DCLK1: variants seen among roughly 807,000 people sequenced by gnomAD.
DCLK1 encodes the protein serine/threonine-protein kinase DCLK1.
Under a neutral mutation model 86.2 loss-of-function variants are expected in DCLK1, and 16 were observed. The observed-to-expected ratio is 0.19, with a 90% CI of 0.13 to 0.28. DCLK1 has a LOEUF of 0.28. Ranked by LOEUF, DCLK1 falls within the 10% of genes least tolerant of loss-of-function variation. The pLI, the probability that DCLK1 is intolerant of heterozygous loss-of-function variation, is 1.00. For synonymous variants in DCLK1, 369 were observed against 370.5 expected, an observed-to-expected ratio of 1.00 and a Z score of 0.05; for missense variants, 590 against 940.2, an observed-to-expected ratio of 0.63 and a Z score of 4.87.
At chr13:36,030,776 C>T (rs959596669) in intron 3 of DCLK1, among the ~76,000 whole-genome samples, 3 of 152,018 alleles carry the variant, frequency 2.0e-5, no homozygotes, top group Non-Finnish European at 4.4e-5. Context: ...ATAGAATAAA[C>T]GTTTCTCAGG....
intron 5 of DCLK1, among the ~76,000 whole-genome samples, chr13:35,862,942 G>C (rs1460911700): frequency 6.6e-6 from 1 of 152,154 alleles, no homozygotes; most frequent in Non-Finnish European, 1.5e-5. Flanking sequence ...TGGTCAACAA[G>C]GGACCATATA....
intron 15 of DCLK1, among the ~76,000 whole-genome samples, chr13:35,797,997 A>G (rs1425866594): frequency 2.6e-5 from 4 of 152,230 alleles, no homozygotes; most frequent in Non-Finnish European, 4.4e-5. Flanking sequence ...TATTATTACC[A>G]TACGTTCTGG....
In DCLK1 at chr13:35,867,863, GA is replaced by G. The variant is rs1343928562; in HGVS notation, c.940+3360del. On this transcript the variant is annotated intron_variant, in intron 5 of 16. Coordinates refer to ENST00000360631, the MANE Select transcript of DCLK1 (RefSeq NM_001330071.2). ...CTTAAAGGGAGAAGAAAGAAAGAAA[GA>G]AAGAAAGAGAGAGGGAGAGAGAGAG... 7.2e-3 allele frequency among the ~76,000 whole-genome samples: 937 copies of G among 130,912 alleles called. 29 individuals carry two copies. Among genetic ancestry groups the G allele is most frequent in the Admixed American group, 9.7e-3 (113 of 11,604 alleles). 85.9% of individuals were successfully genotyped at this position (130,912 alleles called of 152,430 possible).
intron 4 of DCLK1, among the ~76,000 whole-genome samples, chr13:35,875,627 T>C (rs777922961): frequency 3.3e-5 from 5 of 152,222 alleles, no homozygotes; most frequent in Non-Finnish European, 7.3e-5. Context: ...TGGCCTCTTA[T>C]CATGCTTCCA....
At chr13:36,105,914 G>A (rs1354168545) in intron 3 of DCLK1, among the ~76,000 whole-genome samples, 1 of 152,110 alleles carries the variant, frequency 6.6e-6, no homozygotes. Context: ...CTCACAGGCC[G>A]GGTCAGGGCT....
At chr13:35,871,928 C>A (rs991227324) in intron 4 of DCLK1, among the ~76,000 whole-genome samples, 15 of 152,332 alleles carry the variant, frequency 9.8e-5, no homozygotes, top group African/African-American at 3.4e-4. Flanking sequence ...TGTGCCACCA[C>A]ATGAAGCTGC....
chr13:35,788,066 A>C (rs1433241458), intron 16 of DCLK1: 29 of 781,438 alleles, frequency 3.7e-5, no homozygotes, highest in Admixed American at 2.2e-5. Context: ...GTGGCATCTC[A>C]ATCAAGATTA....
intron 4 of DCLK1, among the ~76,000 whole-genome samples, chr13:35,904,612 T>G (rs1016583298): frequency 2.0e-5 from 3 of 152,192 alleles, no homozygotes; most frequent in Non-Finnish European, 4.4e-5. Flanking sequence ...ATATAGCTCC[T>G]TGTCTATGTC....
chr13:35,910,579 C>A (rs569406312), intron 4 of DCLK1, among the ~76,000 whole-genome samples: 1 of 152,140 alleles, frequency 6.6e-6, no homozygotes, highest in East Asian at 1.9e-4. Context: ...TCCTTAAAAC[C>A]GAACATGTCT....
chr13:35,898,271 T>C (rs1353860317), intron 4 of DCLK1, among the ~76,000 whole-genome samples: 3 of 152,186 alleles, frequency 2.0e-5, no homozygotes, highest in East Asian at 1.9e-4. Flanking sequence ...TTCTCTTCAA[T>C]TGCCAGCTAA....
intron 3 of DCLK1, among the ~76,000 whole-genome samples, chr13:36,065,499 T>C (rs572098723): frequency 1.4e-4 from 21 of 152,350 alleles, no homozygotes; most frequent in African/African-American, 5.0e-4. Flanking sequence ...TCATATGATA[T>C]ATTTCAATAT....
intron 3 of DCLK1, among the ~76,000 whole-genome samples, chr13:36,002,440 C>G (rs567139475): frequency 6.6e-6 from 1 of 152,114 alleles, no homozygotes; most frequent in Non-Finnish European, 1.5e-5. Flanking sequence ...TATCCTTCAA[C>G]GTTAAATAAC....
At chr13:36,071,525 T>G (rs115418938) in intron 3 of DCLK1, among the ~76,000 whole-genome samples, 1 of 152,208 alleles carries the variant, frequency 6.6e-6, no homozygotes, top group East Asian at 1.9e-4. Context: ...CTTTCTACTA[T>G]GCTATGTTAC....
chr13:36,095,129 G>A (rs1593885119), intron 3 of DCLK1, among the ~76,000 whole-genome samples: 2 of 151,124 alleles, frequency 1.3e-5, no homozygotes, highest in Admixed American at 1.3e-4. Flanking sequence ...ATGAACACAG[G>A]TGGCAGAATG....
intron 13 of DCLK1, 116 bp downstream of exon 13, chr13:35,808,902 T>A (rs752239977): frequency 3.6e-5 from 26 of 729,072 alleles, no homozygotes; most frequent in Admixed American, 1.2e-4. Flanking sequence ...GGATTGCAAG[T>A]AAAGTTCTTG....
At chr13:36,127,214 C>G (rs1886219141) in intron 1 of DCLK1, among the ~76,000 whole-genome samples, 1 of 152,126 alleles carries the variant, frequency 6.6e-6, no homozygotes. Context: ...AACATATTCA[C>G]ACATTCAATA....
intron 16 of DCLK1, among the ~76,000 whole-genome samples, chr13:35,779,913 G>A (rs1481209364): frequency 6.6e-6 from 1 of 151,910 alleles, no homozygotes. Flanking sequence ...TAGCACTGTA[G>A]GCTAATATAT....
intron 3 of DCLK1, 33 bp downstream of exon 3, chr13:36,111,835 TA>T (rs1246397779): frequency 6.3e-7 from 1 of 1,575,460 alleles, no homozygotes; most frequent in Admixed American, 1.7e-5. Flanking sequence ...GTTCTTGCCT[TA>T]AAGTCAAAGT....
chr13:35,923,154 G>A (rs1008144812), intron 4 of DCLK1, among the ~76,000 whole-genome samples: 7 of 152,148 alleles, frequency 4.6e-5, no homozygotes, highest in East Asian at 1.9e-4. Context: ...GAACTCCAGC[G>A]GGAAAGACCC....
Sources: gnomAD v4.1 joint callset for allele counts (sites outside exome capture counted in the v4.1 genomes callset) on GRCh38, gnomAD v4.1.1 for gene constraint, MANE v1.5 for transcripts, NCBI Gene and HGNC (gene_info 2026-07-23, HGNC 2026-07-21) for gene names.